Variants in CACNA1S observed in about 807,000 individuals in gnomAD.
The protein encoded by CACNA1S is voltage-dependent L-type calcium channel subunit alpha-1S.
In CACNA1S, 126 loss-of-function variants were observed where a neutral mutation model predicts 207.4. The ratio of observed to expected loss-of-function variants is 0.61; its 90% CI spans 0.53 to 0.70. The LOEUF (loss-of-function observed/expected upper bound fraction) is 0.70, where lower values mean the gene tolerates loss of function less well. Among genes scored for constraint, CACNA1S ranks in the 30% least tolerant of loss-of-function variants. The pLI is 0.00. For missense variants in CACNA1S, 2,349 were observed against 2,422.8 expected (o/e 0.97, Z 0.64); for synonymous variants, 960 against 932.7 (o/e 1.03, Z -0.53).
Position 201,076,969 on chromosome 1 carries a change from C to T in CACNA1S, c.1778G>A (p.Arg593Gln), listed in dbSNP as rs113812219. 2.7e-5 allele frequency: 43 copies of T among 1,614,110 alleles called. No homozygotes were observed. Among genetic ancestry groups the T allele is most frequent in the Middle Eastern group, 1.6e-4 (1 of 6,084 alleles). Residue 593 changes from arginine to glutamine, a missense_variant, in exon 12 of 44, where the codon CGG becomes CAG. Arg to Gln is a conservative substitution (Grantham distance 43, BLOSUM62 1). Coordinates refer to ENST00000362061, the MANE Select transcript of CACNA1S (RefSeq NM_000069.3). ...GGGAAAGTTGTCAAAGTTGCTGCGCCGTACTTCTGTGTCTTCAAAGTCATA... is the reference window on the plus strand; with the variant it reads ...GGGAAAGTTGTCAAAGTTGCTGCGCTGTACTTCTGTGTCTTCAAAGTCATA... Reference protein sequence around the residue: ...GRYDFEDTEVRRSNFDNFPQA... With the variant: ...GRYDFEDTEVQRSNFDNFPQA...
chr1:201,087,966 G>T (rs746096639), intron 6 of CACNA1S, 37 bp from the exon 7 acceptor site: 4 of 1,403,348 alleles, frequency 2.9e-6, no homozygotes, highest in Middle Eastern at 3.5e-4. Flanking sequence ...TGAGTTGAGG[G>T]CTTGGTTCCT....
rs758550615 is a variant in CACNA1S, at chr1:201,112,365, C to A, written c.-26G>T. On this transcript the variant is annotated 5_prime_UTR_variant, in exon 1 of 44. Coordinates refer to ENST00000362061, the MANE Select transcript of CACNA1S (RefSeq NM_000069.3). ...GGCTTCCCTGGGAATCTGGCTTTCT[C>A]CTGCTCCCCCACCCCAGTGCTTTCC... 2 of 1,613,760 alleles carry A rather than the reference C, an allele frequency of 1.2e-6. No homozygotes were observed. Among genetic ancestry groups the A allele is most frequent in the South Asian group, 2.2e-5 (2 of 91,072 alleles).
Position 201,090,646 on chromosome 1 carries a change from G to A in CACNA1S, c.694+994C>T, listed in dbSNP as rs116341815. 3.5e-3 allele frequency among the ~76,000 whole-genome samples: 532 copies of A among 152,288 alleles called. 2 individuals carry two copies. Among genetic ancestry groups the A allele is most frequent in the African/African-American group, 0.012 (504 of 41,544 alleles). ...AGCAGCCAGTCTCAGAGTGGGACCC[G>A]AGATTCTTTCAGAGTGTCGGCCTGA... On this transcript the variant is annotated intron_variant, in intron 5 of 43. Coordinates refer to ENST00000362061, the MANE Select transcript of CACNA1S (RefSeq NM_000069.3).
rs754126882 is a variant in CACNA1S at position 201,075,538 on chromosome 1, C to T, written c.1905G>A (p.Met635Ile). The T allele has an allele frequency of 1.2e-6, 2 of 1,613,952 alleles. No individual in the cohort carries two copies. The highest frequency in any genetic ancestry group is 8.5e-7 in the Non-Finnish European group (1 of 1,180,018). Reference protein sequence around the residue: ...MAYGGPSYPGMLVCIYFIILF... With the variant: ...MAYGGPSYPGILVCIYFIILF... ...GGATGATGAAGTAAATGCACACAAGCATGCCAGGGTAGGACGGCCCGCCGT... is the reference window on the plus strand; with the variant it reads ...GGATGATGAAGTAAATGCACACAAGTATGCCAGGGTAGGACGGCCCGCCGT... Residue 635 changes from methionine to isoleucine, a missense_variant, in exon 13 of 44, where the codon ATG becomes ATA. By Grantham distance (10) the Met-to-Ile change is conservative. Transcript: ENST00000362061.
chr1:201,087,495 G>A (rs1416396182), intron 7 of CACNA1S, among the ~76,000 whole-genome samples: 9 of 152,148 alleles, frequency 5.9e-5, no homozygotes, highest in South Asian at 2.1e-4. Context: ...ACAGAGGGAC[G>A]GGAGGGGTGA....
intron 28 of CACNA1S, among the ~76,000 whole-genome samples, chr1:201,055,463 G>A (rs1660805987): frequency 6.6e-6 from 1 of 152,202 alleles, no homozygotes; most frequent in East Asian, 1.9e-4. Flanking sequence ...TGCACCCCAG[G>A]TGATTCTCAT....
intron 16 of CACNA1S, among the ~76,000 whole-genome samples, chr1:201,072,311 G>C (rs1177364645): frequency 1.3e-5 from 2 of 152,122 alleles, no homozygotes; most frequent in Non-Finnish European, 2.9e-5. Context: ...GCCTGCCATG[G>C]TTCTATCCAT....
At chr1:201,061,821 G>A in intron 24 of CACNA1S, 123 bp downstream of exon 24, 3 of 1,104,318 alleles carry the variant, frequency 2.7e-6, no homozygotes, top group Non-Finnish European at 4.2e-6. Context: ...CAGAGAGTTG[G>A]TGGGTTTGTT....
chr1:201,112,274 C>A lies in CACNA1S; in HGVS notation c.66G>T (p.Glu22Asp). The A allele has an allele frequency of 6.2e-7, 1 of 1,614,024 alleles. No homozygotes were observed. Among genetic ancestry groups the A allele is most frequent in the African/African-American group, 1.3e-5 (1 of 74,994 alleles). Residue 22 changes from glutamate to aspartate, a missense_variant, in exon 1 of 44, where the codon GAG (glutamate) becomes GAT (aspartate). By Grantham distance (45) the Glu-to-Asp change is conservative. Transcript: ENST00000362061. Reference sequence around the variant, plus strand: ...AGGCCCGGGGTGGCCTTGGCAGAATCTCAGGAACTGGCTTCTTGGGCTGTT... The same window carrying A: ...AGGCCCGGGGTGGCCTTGGCAGAATATCAGGAACTGGCTTCTTGGGCTGTT... ...RKKQPKKPVP[E>D]ILPRPPRALF...
At chr1:201,079,036 G>T (rs547563681) in intron 10 of CACNA1S, among the ~76,000 whole-genome samples, 7 of 150,260 alleles carry the variant, frequency 4.7e-5, no homozygotes, top group East Asian at 3.9e-4. Flanking sequence ...CAAGAGAATC[G>T]CTTGAACCTG....
In CACNA1S at chr1:201,053,559, C is replaced by CTGGAGA; in HGVS notation, c.3689_3694dup (p.Ile1230_Ser1231dup). ...GACACGGAACAGGCGGAAGAAGGCG[C>CTGGAGA]TGGAGATGCGGGCACTCTCATCTGG... On this transcript the variant is annotated inframe_insertion, in exon 30 of 44. Coordinates refer to ENST00000362061, the MANE Select transcript of CACNA1S (RefSeq NM_000069.3). The surrounding 1 kb of genome is among the most constrained non-coding windows in gnomAD (Gnocchi z 5.1). 2 of 1,613,774 alleles carry CTGGAGA rather than the reference C, an allele frequency of 1.2e-6. No individual in the cohort carries two copies. Among genetic ancestry groups the CTGGAGA allele is most frequent in the Non-Finnish European group, 1.7e-6 (2 of 1,179,896 alleles).
intron 22 of CACNA1S, among the ~76,000 whole-genome samples, chr1:201,062,959 C>T (rs1036863540): frequency 1.3e-5 from 2 of 152,154 alleles, no homozygotes; most frequent in African/African-American, 2.4e-5. Context: ...GGGCTGCCCA[C>T]CTCCCACCTC....
chr1:201,041,869 T>C, intron 40 of CACNA1S: 2 of 500,674 alleles, frequency 4.0e-6, no homozygotes, highest in Non-Finnish European at 3.6e-6. Context: ...AGCTGCAGCC[T>C]CCCAGCCTTT....
At chr1:201,074,234 A>T (rs953632172) in intron 14 of CACNA1S, among the ~76,000 whole-genome samples, 3 of 152,346 alleles carry the variant, frequency 2.0e-5, no homozygotes, top group Middle Eastern at 3.4e-3. Flanking sequence ...ATCCCTCCGC[A>T]GGGGAGCCCT....
chr1:201,056,800 C>A (rs1400414648), intron 28 of CACNA1S, among the ~76,000 whole-genome samples: 1 of 152,186 alleles, frequency 6.6e-6, no homozygotes, highest in Non-Finnish European at 1.5e-5. Context: ...CCTCCCTGCT[C>A]CTTTCATCCC....
intron 19 of CACNA1S, among the ~76,000 whole-genome samples, chr1:201,067,233 T>C (rs1661279437): frequency 6.6e-6 from 1 of 152,192 alleles, no homozygotes; most frequent in East Asian, 1.9e-4. Flanking sequence ...TTTCTTTACA[T>C]GCCATAGGGA....
At chr1:201,076,836 G>A in intron 12 of CACNA1S, 84 bp downstream of exon 12, 1 of 1,268,540 alleles carries the variant, frequency 7.9e-7, no homozygotes. Context: ...TCCTGGAGAA[G>A]GTGATGCCCA....
intron 2 of CACNA1S, among the ~76,000 whole-genome samples, chr1:201,098,660 C>G (rs1662525203): frequency 6.6e-6 from 1 of 152,162 alleles, no homozygotes; most frequent in African/African-American, 2.4e-5. Context: ...CACCTTCGAA[C>G]CAGGTGCAGC....
At chr1:201,052,529 AGGGGTG>A in intron 32 of CACNA1S, 22 bp downstream of exon 32, 1 of 1,282,086 alleles carries the variant, frequency 7.8e-7, no homozygotes, top group Non-Finnish European at 1.1e-6. Flanking sequence ...TCAGCGGGGT[AGGGGTG>A]GGGGTGGCGG....
Sources: allele counts gnomAD v4.1 joint callset (sites outside exome capture counted in the v4.1 genomes callset), GRCh38; gene constraint gnomAD v4.1.1; non-coding constraint Gnocchi (gnomAD v3.1); transcripts MANE v1.5; gene names NCBI Gene and HGNC (gene_info 2026-07-23, HGNC 2026-07-21).